CTNNA3: variants seen among roughly 807,000 people sequenced by gnomAD.
CTNNA3 encodes the protein catenin alpha 3.
CTNNA3 carries 76 observed loss-of-function variants against 95.7 expected under a neutral mutation model. That is an observed-to-expected ratio of 0.79 (90% CI 0.66 to 0.96). The LOEUF is 0.96. Ranked by LOEUF, CTNNA3 falls within the 40% of genes least tolerant of loss-of-function variation. CTNNA3 has a pLI of 0.00. For missense variants in CTNNA3, 1,191 were observed against 1,089.8 expected (o/e 1.09, Z -1.31); for synonymous variants, 431 against 374.4 (o/e 1.15, Z -1.74).
chr10:66,362,320 C>G (rs960803104), intron 12 of CTNNA3, among the ~76,000 whole-genome samples: 1 of 151,450 alleles, frequency 6.6e-6, no homozygotes, highest in Non-Finnish European at 1.5e-5. Context: ...CCAGGATGGT[C>G]TCAATCTCCT....
At chr10:67,627,339 T>C (rs1378054633) in intron 2 of CTNNA3, among the ~76,000 whole-genome samples, 1 of 152,170 alleles carries the variant, frequency 6.6e-6, no homozygotes, top group African/African-American at 2.4e-5. Context: ...GGGTGCCACA[T>C]GGGTACTCAG....
chr10:66,371,740 T>G (rs2132464373), intron 12 of CTNNA3, among the ~76,000 whole-genome samples: 1 of 152,210 alleles, frequency 6.6e-6, no homozygotes, highest in Middle Eastern at 3.4e-3. Context: ...TATGCCAGTG[T>G]AAGAGTCTTA....
intron 5 of CTNNA3, among the ~76,000 whole-genome samples, chr10:67,477,143 C>T (rs1032645137): frequency 2.6e-5 from 4 of 152,118 alleles, no homozygotes; most frequent in African/African-American, 7.2e-5. Context: ...GAATCTAGAA[C>T]ACTCACTTTC....
intron 15 of CTNNA3, among the ~76,000 whole-genome samples, chr10:66,029,235 TA>T (rs1458346802): frequency 6.6e-6 from 1 of 152,114 alleles, no homozygotes; most frequent in Non-Finnish European, 1.5e-5. Context: ...AGTAACCCTT[TA>T]AAAAATGTAA....
At chr10:66,211,029 C>A (rs67264974) in intron 13 of CTNNA3, among the ~76,000 whole-genome samples, 3 of 152,108 alleles carry the variant, frequency 2.0e-5, no homozygotes, top group Non-Finnish European at 4.4e-5. Flanking sequence ...AGGGAAGCAA[C>A]GTTTTGGGAA....
At chr10:67,178,177 C>T (rs963659053) in intron 7 of CTNNA3, among the ~76,000 whole-genome samples, 18 of 152,114 alleles carry the variant, frequency 1.2e-4, no homozygotes, top group Non-Finnish European at 1.5e-5. Flanking sequence ...TTGTGGGGGC[C>T]TTGGCACACC....
At chr10:66,411,048 A>G (rs1164726624) in intron 11 of CTNNA3, among the ~76,000 whole-genome samples, 2 of 152,214 alleles carry the variant, frequency 1.3e-5, no homozygotes, top group African/African-American at 2.4e-5. Flanking sequence ...ACACATATTT[A>G]GCTTCTCTCA....
chr10:67,603,375 C>T (rs940520621), intron 3 of CTNNA3, among the ~76,000 whole-genome samples: 1 of 152,106 alleles, frequency 6.6e-6, no homozygotes, highest in Non-Finnish European at 1.5e-5. Flanking sequence ...ACCTCATAGC[C>T]ATAGTAACAT....
chr10:67,615,028 C>A (rs899012887), intron 2 of CTNNA3, among the ~76,000 whole-genome samples: 4 of 152,168 alleles, frequency 2.6e-5, no homozygotes, highest in African/African-American at 9.7e-5. Context: ...TATCCAAAGG[C>A]CCTGTCTCCA....
At position 66,158,964 on chromosome 10, in the gene CTNNA3, G is replaced by A. The variant is rs573541124; in HGVS notation, c.1885-55715C>T. Among the ~76,000 whole-genome samples, 64 of 151,976 alleles carry A rather than the reference G, an allele frequency of 4.2e-4. 1 individual carries two copies. Among genetic ancestry groups the A allele is most frequent in the African/African-American group, 1.5e-3 (61 of 41,500 alleles). ...TCTTGATTTGATGCTCTGCTTGGTC[G>A]CTGTTGTTGTATAGAAGAGCTACTG... On this transcript the variant is annotated intron_variant, in intron 13 of 17. Transcript: ENST00000433211.
At chr10:67,647,243 C>T (rs1026340114) in intron 2 of CTNNA3, among the ~76,000 whole-genome samples, 172 bp downstream of exon 2, 5 of 150,070 alleles carry the variant, frequency 3.3e-5, no homozygotes, top group African/African-American at 1.2e-4. Context: ...TTTTTCACAT[C>T]TTAACAACAC....
chr10:67,193,632 G>T (rs1589846642), intron 6 of CTNNA3, among the ~76,000 whole-genome samples: 1 of 151,922 alleles, frequency 6.6e-6, no homozygotes, highest in South Asian at 2.1e-4. Context: ...TAGAATAATG[G>T]CCTCCAGCTC....
intron 5 of CTNNA3, among the ~76,000 whole-genome samples, chr10:67,366,607 C>T (rs1045516569): frequency 2.0e-5 from 3 of 151,752 alleles, no homozygotes; most frequent in Non-Finnish European, 2.9e-5. Context: ...TGCCACTGCA[C>T]TCCAGCCTGG....
intron 1 of CTNNA3, among the ~76,000 whole-genome samples, chr10:67,728,431 T>C (rs749546747): frequency 2.3e-4 from 35 of 150,136 alleles, no homozygotes; most frequent in Middle Eastern, 3.5e-3. Flanking sequence ...TATGTATATA[T>C]GTATATGTGT....
intron 7 of CTNNA3, among the ~76,000 whole-genome samples, chr10:66,798,192 T>A (rs567066550): frequency 1.3e-5 from 2 of 151,850 alleles, no homozygotes; most frequent in Non-Finnish European, 2.9e-5. Context: ...CTCATTTAGC[T>A]AACACATATT....
At chr10:66,262,021 C>G (rs573140929) in intron 13 of CTNNA3, among the ~76,000 whole-genome samples, 1 of 152,030 alleles carries the variant, frequency 6.6e-6, no homozygotes, top group Non-Finnish European at 1.5e-5. Context: ...CTGCTGTAAC[C>G]TCGTGTCTCA....
At chr10:67,728,520 C>T (rs1009640194) in intron 1 of CTNNA3, among the ~76,000 whole-genome samples, 3 of 150,098 alleles carry the variant, frequency 2.0e-5, no homozygotes, top group African/African-American at 4.9e-5. Flanking sequence ...AGTGCAATGG[C>T]ACAATCTCAG....
At chr10:66,590,893 A>T (rs1338635952) in intron 10 of CTNNA3, among the ~76,000 whole-genome samples, 1 of 152,116 alleles carries the variant, frequency 6.6e-6, no homozygotes. Flanking sequence ...GGCATTGCTA[A>T]TATATCTAAG....
At chr10:66,811,161 G>T (rs1282008688) in intron 7 of CTNNA3, among the ~76,000 whole-genome samples, 1 of 152,146 alleles carries the variant, frequency 6.6e-6, no homozygotes, top group Non-Finnish European at 1.5e-5. Flanking sequence ...ATCAGGATGT[G>T]CATTTTAAAA....
Sources: gnomAD v4.1 joint callset for allele counts (sites outside exome capture counted in the v4.1 genomes callset) on GRCh38, gnomAD v4.1.1 for gene constraint, MANE v1.5 for transcripts, NCBI Gene and HGNC (gene_info 2026-07-23, HGNC 2026-07-21) for gene names.